ITSN2: variants seen among roughly 807,000 people sequenced by gnomAD.
The protein encoded by ITSN2 is intersectin-2.
In ITSN2, 156 loss-of-function variants were observed where a neutral mutation model predicts 243.7. That is an observed-to-expected ratio of 0.64 (90% CI 0.56 to 0.73). The LOEUF (loss-of-function observed/expected upper bound fraction) is 0.73, where lower values mean the gene tolerates loss of function less well. ITSN2 is among the 30% of genes least tolerant of loss of function. The pLI is 0.00. For missense variants in ITSN2, 1,801 were observed against 1,996.1 expected (o/e 0.90, Z 1.86); for synonymous variants, 703 against 699.9 (o/e 1.00, Z -0.07).
In ITSN2 at chr2:24,210,810, C is replaced by T; in HGVS notation, c.4227G>A (p.Gln1409=). The change falls in exon 34 of 40, where the codon CAG becomes CAA. Residue 1409 remains glutamine (Q), a synonymous_variant. Transcript: ENST00000355123. ...CGAGGCCTTCACACTGCACGTGCGC[C>T]TGGATCCACTCCAGTCGGTCCGAGT... ...KENSDRLEWI[Q]AHVQCEGLAE... The T allele has an allele frequency of 6.2e-7, 1 of 1,614,074 alleles. No individual in the cohort carries two copies. Among genetic ancestry groups the T allele is most frequent in the Non-Finnish European group, 8.5e-7 (1 of 1,179,976 alleles).
chr2:24,334,385 G>A (rs879066838), intron 1 of ITSN2: 31 of 377,170 alleles, frequency 8.2e-5, no homozygotes, highest in Admixed American at 7.6e-4. Context: ...AGTAGAGATG[G>A]GGTTTCACCA....
intron 31 of ITSN2, 33 bp from the exon 32 acceptor site, chr2:24,216,265 A>G: frequency 6.6e-7 from 1 of 1,519,716 alleles, no homozygotes; most frequent in African/African-American, 1.4e-5. Context: ...TTGTGTTTCT[A>G]AGTGAATGAC....
intron 18 of ITSN2, among the ~76,000 whole-genome samples, chr2:24,274,627 ACTGT>A (rs1197057597): frequency 1.3e-5 from 2 of 152,190 alleles, no homozygotes; most frequent in African/African-American, 2.4e-5. Context: ...TATTCGTTTA[ACTGT>A]CTGAATCTCC....
At chr2:24,331,068 CTTT>C (rs1182993261) in intron 1 of ITSN2, among the ~76,000 whole-genome samples, 8 of 111,752 alleles carry the variant, frequency 7.2e-5, no homozygotes, top group East Asian at 2.6e-4. Flanking sequence ...CACCCGGCCA[CTTT>C]TTTTTTTTTT....
intron 1 of ITSN2, among the ~76,000 whole-genome samples, chr2:24,345,503 G>A (rs1401811854): frequency 6.6e-6 from 1 of 152,084 alleles, no homozygotes; most frequent in African/African-American, 2.4e-5. Flanking sequence ...ATACCCATCA[G>A]AAATACCACA....
intron 13 of ITSN2, among the ~76,000 whole-genome samples, chr2:24,297,812 C>T (rs1239537948): frequency 6.6e-6 from 1 of 152,044 alleles, no homozygotes; most frequent in East Asian, 1.9e-4. Context: ...ATGTCTTGCC[C>T]AGGAGTACAT....
At chr2:24,210,539 G>C (rs1458887818) in intron 34 of ITSN2, among the ~76,000 whole-genome samples, 1 of 150,112 alleles carries the variant, frequency 6.7e-6, no homozygotes, top group Non-Finnish European at 1.5e-5. Context: ...TCCAACCCGG[G>C]AGGCAGAGCT....
chr2:24,268,757 TA>T (rs34246892), intron 20 of ITSN2, among the ~76,000 whole-genome samples: 3,992 of 142,736 alleles, frequency 0.028, 62 homozygotes, highest in South Asian at 0.093. Flanking sequence ...CAGCCAACTT[TA>T]AAAAAAAAAA....
chr2:24,215,876 G>A (rs1481205425), intron 32 of ITSN2, among the ~76,000 whole-genome samples, 173 bp downstream of exon 32: 1 of 152,024 alleles, frequency 6.6e-6, no homozygotes, highest in Non-Finnish European at 1.5e-5. Flanking sequence ...AAAAAATCAG[G>A]TCTACATAAA....
At chr2:24,303,694 C>A in intron 9 of ITSN2, 105 bp downstream of exon 9, 1 of 801,672 alleles carries the variant, frequency 1.2e-6, no homozygotes. Context: ...ATCTCTGAGT[C>A]ACAAACTTTT....
chr2:24,264,325 T>C (rs747554096), intron 20 of ITSN2, among the ~76,000 whole-genome samples: 6 of 151,220 alleles, frequency 4.0e-5, no homozygotes, highest in Admixed American at 1.3e-4. Flanking sequence ...AGGAAGGAGG[T>C]TGCAGTGAGC....
At chr2:24,316,034 G>A (rs1683883632) in intron 2 of ITSN2, among the ~76,000 whole-genome samples, 2 of 152,116 alleles carry the variant, frequency 1.3e-5, no homozygotes. Context: ...CTTGAAGCTT[G>A]GTTTGAATTT....
Position 24,257,999 on chromosome 2 carries a change from GTAA to G in ITSN2, c.2774_2776del (p.Ile925del). 1 of 1,613,896 alleles carries G rather than the reference GTAA, an allele frequency of 6.2e-7. No individual in the cohort carries two copies. On this transcript the variant is annotated inframe_deletion, in exon 23 of 40. Transcript: ENST00000355123. ...CCAATTTTCTTGCTGCTCCAAGACA[GTAA>G]TAATGTCATGTTTTGAGAAGTTCAA...
At chr2:24,220,680 G>A (rs1345609008) in intron 30 of ITSN2, 18 of 1,279,132 alleles carry the variant, frequency 1.4e-5, no homozygotes, top group Admixed American at 4.2e-5. Flanking sequence ...GAAGCCATGC[G>A]AATGCCCTCT....
Position 24,360,434 on chromosome 2 carries a change from C to T in ITSN2, c.-164G>A, listed in dbSNP as rs544964489. 658 of 152,618 alleles carry T rather than the reference C, an allele frequency of 4.3e-3. 6 individuals are homozygous for T. Among genetic ancestry groups the T allele is most frequent in the Admixed American group, 7.4e-3 (113 of 15,296 alleles). 9.5% of individuals were successfully genotyped at this position (152,618 alleles called of 1,614,324 possible). ...TCGCCGCCACTGCAGCTGGCTTGGT[C>T]GTCAGGCCGCCGCCCGCGAACCTGT... is the stretch of plus-strand genomic sequence containing the variant. On this transcript the variant is annotated 5_prime_UTR_variant, in exon 1 of 40. Transcript: ENST00000355123.
chr2:24,347,843 C>T (rs554378528), intron 1 of ITSN2, among the ~76,000 whole-genome samples: 20 of 151,772 alleles, frequency 1.3e-4, no homozygotes, highest in African/African-American at 1.7e-4. Flanking sequence ...GAGGCCAACG[C>T]GGGAGAATCA....
Position 24,275,855 on chromosome 2 carries a change from G to C in ITSN2, c.1945-6C>G, listed in dbSNP as rs773744771. Reference sequence around the variant, plus strand: ...TTGTAGGTTTCTCTCAGTTCCTAAGGAGAAAAAGAAAATAAGTCAATACGT... The same window carrying C: ...TTGTAGGTTTCTCTCAGTTCCTAAGCAGAAAAAGAAAATAAGTCAATACGT... On this transcript the variant is annotated splice_polypyrimidine_tract_variant and splice_region_variant and intron_variant, in intron 17 of 39. Transcript: ENST00000355123. 1 of 1,581,552 alleles carries C rather than the reference G, an allele frequency of 6.3e-7. No individual in the cohort carries two copies. Among genetic ancestry groups the C allele is most frequent in the East Asian group, 2.3e-5 (1 of 43,926 alleles).
intron 8 of ITSN2, among the ~76,000 whole-genome samples, chr2:24,305,576 C>CAAAAAAAAAAAAAAA (rs537945691): frequency 1.5e-4 from 6 of 40,902 alleles, no homozygotes; most frequent in African/African-American, 3.4e-4. Context: ...GACTCTGTCT[C>CAAAAAAAAAAAAAAA]AAAAAAAAAA....
chr2:24,295,717 T>TA lies in ITSN2; in HGVS notation c.1581dup (p.Lys528Ter). ...TCCATAATTTCCAAGTCACACTGCT[T>TA]ATCCAGAACTTCCAGCTCAGTCTTT... On this transcript the variant is annotated frameshift_variant, in exon 14 of 40. Coordinates refer to ENST00000355123, the MANE Select transcript of ITSN2 (RefSeq NM_006277.3). LOFTEE classifies it high-confidence loss of function. 1 of 1,563,302 alleles carries TA rather than the reference T, an allele frequency of 6.4e-7. No homozygotes were observed. The highest frequency in any genetic ancestry group is 8.6e-7 in the Non-Finnish European group (1 of 1,162,442).
Sources: gnomAD v4.1 joint callset for allele counts (sites outside exome capture counted in the v4.1 genomes callset) on GRCh38, gnomAD v4.1.1 for gene constraint, MANE v1.5 for transcripts, NCBI Gene and HGNC (gene_info 2026-07-23, HGNC 2026-07-21) for gene names.